The following FOXP1 variants were observed in gnomAD, a reference collection of about 807,000 sequenced individuals.
FOXP1 encodes forkhead box P1, also known as forkhead box protein P1.
FOXP1 carries 15 observed loss-of-function variants against 98.2 expected under a neutral mutation model. That is an observed-to-expected ratio of 0.15 (90% confidence interval 0.10 to 0.24). The LOEUF is 0.24. Among genes scored for constraint, FOXP1 ranks in the 10% least tolerant of loss-of-function variants. The probability of loss-of-function intolerance (pLI) is 1.00; values close to 1 mark genes in which losing one functional copy is unlikely to be tolerated. For missense variants in FOXP1, 633 were observed against 848.5 expected (o/e 0.75, Z 3.15); for synonymous variants, 371 against 314.5 (o/e 1.18, Z -1.90).
At chr3:71,475,676 C>A (rs1029322855) in intron 3 of FOXP1, among the ~76,000 whole-genome samples, 4 of 151,982 alleles carry the variant, frequency 2.6e-5, no homozygotes, top group Admixed American at 1.3e-4. Context: ...AACTCCATCT[C>A]TACTAATAAT....
chr3:71,164,208 A>AT (rs1027556504), intron 6 of FOXP1, among the ~76,000 whole-genome samples: 20 of 150,830 alleles, frequency 1.3e-4, no homozygotes, highest in Middle Eastern at 3.4e-3. Context: ...TTTATTTTTT[A>AT]TTTTTTTTTG....
intron 12 of FOXP1, among the ~76,000 whole-genome samples, chr3:71,012,311 A>C (rs1255909985): frequency 6.6e-6 from 1 of 152,206 alleles, no homozygotes; most frequent in African/African-American, 2.4e-5. Flanking sequence ...TCATTATATA[A>C]ATATGATTAG....
chr3:71,551,590 T>G (rs1024991454), intron 2 of FOXP1, among the ~76,000 whole-genome samples: 31 of 152,360 alleles, frequency 2.0e-4, no homozygotes, highest in African/African-American at 5.0e-4. Context: ...TACATAAACT[T>G]CTGGCATATG....
chr3:71,343,359 C>G (rs2077123762), intron 4 of FOXP1, among the ~76,000 whole-genome samples: 1 of 152,136 alleles, frequency 6.6e-6, no homozygotes, highest in African/African-American at 2.4e-5. Flanking sequence ...TCAAATGACT[C>G]AGGTGCTACT....
intron 2 of FOXP1, among the ~76,000 whole-genome samples, chr3:71,563,805 C>T (rs967986802): frequency 2.6e-5 from 4 of 152,196 alleles, no homozygotes; most frequent in African/African-American, 4.8e-5. Flanking sequence ...CTGTGCCACT[C>T]GACAAGTAAA....
intron 5 of FOXP1, among the ~76,000 whole-genome samples, chr3:71,210,387 TCAA>T (rs1189358106): frequency 1.3e-5 from 2 of 152,162 alleles, no homozygotes; most frequent in Non-Finnish European, 2.9e-5. Flanking sequence ...TTTCCCCAAA[TCAA>T]CATAGTCCCT....
At chr3:71,186,600 A>G (rs867693934) in intron 6 of FOXP1, among the ~76,000 whole-genome samples, 37 of 152,192 alleles carry the variant, frequency 2.4e-4, no homozygotes, top group African/African-American at 8.2e-4. Flanking sequence ...AGTCCCAGCT[A>G]CTTGGGAGGC....
Position 70,957,228 on chromosome 3 carries a change from C to A in FOXP1, c.*2019G>T, listed in dbSNP as rs1012540335. On this transcript the variant is annotated 3_prime_UTR_variant, in exon 21 of 21. Coordinates refer to ENST00000649528, the MANE Select transcript of FOXP1 (RefSeq NM_001349338.3). ...TGTGTCCTATTTTTATCTGCAGTAG[C>A]CCCATAAAATCTCTTTAAGAGAATG... is the stretch of plus-strand genomic sequence containing the variant. 1 of 224,688 alleles carries A rather than the reference C, an allele frequency of 4.5e-6. No homozygotes were observed. The highest frequency in any genetic ancestry group is 2.2e-5 in the African/African-American group (1 of 44,726). The allele number at this position is 224,688 out of a possible 1,614,324, so 13.9% of individuals were successfully genotyped here.
intron 2 of FOXP1, among the ~76,000 whole-genome samples, chr3:71,494,559 AG>A (rs1460058024): frequency 6.6e-6 from 1 of 152,220 alleles, no homozygotes; most frequent in African/African-American, 2.4e-5. Flanking sequence ...CTGGGTGCCC[AG>A]GAAAGGCTTC....
chr3:71,374,594 CA>C (rs5850009), intron 3 of FOXP1, among the ~76,000 whole-genome samples: 115 of 131,138 alleles, frequency 8.8e-4, no homozygotes, highest in African/African-American at 1.9e-3. Context: ...GACTCTGTCT[CA>C]AAAAAAAAAA....
intron 4 of FOXP1, among the ~76,000 whole-genome samples, chr3:71,327,435 T>G (rs2075759101): frequency 7.0e-6 from 1 of 142,580 alleles, no homozygotes; most frequent in Non-Finnish European, 1.5e-5. Flanking sequence ...TCACCCAGGC[T>G]GGAGTGCAGT....
At chr3:71,250,393 T>C (rs567612439) in intron 5 of FOXP1, among the ~76,000 whole-genome samples, 16 of 152,206 alleles carry the variant, frequency 1.1e-4, no homozygotes, top group Non-Finnish European at 2.2e-4. Flanking sequence ...ACTTGAAATA[T>C]GGCTAGTGTC....
At chr3:71,430,382 A>G (rs1028024461) in intron 3 of FOXP1, among the ~76,000 whole-genome samples, 2 of 152,188 alleles carry the variant, frequency 1.3e-5, no homozygotes, top group African/African-American at 4.8e-5. Context: ...AAGGTTATGA[A>G]ATTTTATAAC....
At chr3:71,071,113 C>A (rs1269364364) in intron 7 of FOXP1, among the ~76,000 whole-genome samples, 1 of 152,254 alleles carries the variant, frequency 6.6e-6, no homozygotes, top group Non-Finnish European at 1.5e-5. Flanking sequence ...ACACTCACAC[C>A]CTGTCTTTAA....
chr3:71,581,784 A>T lies in FOXP1; in HGVS notation c.-446-87T>A, dbSNP rs72628638. The T allele has an allele frequency of 5.4e-4, 530 of 985,782 alleles. 13 individuals are homozygous for T. In the East Asian group the frequency reaches 0.045, roughly 84 times the overall value. 61.1% of individuals were successfully genotyped at this position (985,782 alleles called of 1,614,324 possible). A position where few individuals can be genotyped will look rare whatever the true frequency, so the allele number is the denominator to read the frequency against. On this transcript the variant is annotated intron_variant, in intron 1 of 20. Transcript: ENST00000649528. ...ACTGAAGGGGACGGGACGGGTGAGT[A>T]GGCCGAGGGGCCAGGACAGAGAGGG... is the stretch of plus-strand genomic sequence containing the variant.
At chr3:70,973,835 G>GCCCCCCCCC (rs56950015) in intron 17 of FOXP1, among the ~76,000 whole-genome samples, 5 of 36,692 alleles carry the variant, frequency 1.4e-4, no homozygotes, top group Non-Finnish European at 2.8e-4. Flanking sequence ...TTTGCACACC[G>GCCCCCCCCC]CCCCCCCCCC....
intron 11 of FOXP1, among the ~76,000 whole-genome samples, chr3:71,020,105 T>C (rs181245807): frequency 1.3e-5 from 2 of 152,322 alleles, no homozygotes; most frequent in South Asian, 2.1e-4. Context: ...ATAGTATGCA[T>C]TTGAGAAAAG....
chr3:70,987,105 A>G (rs964341292), intron 14 of FOXP1, among the ~76,000 whole-genome samples: 1 of 152,276 alleles, frequency 6.6e-6, no homozygotes, highest in African/African-American at 2.4e-5. Context: ...AGTGACTCCA[A>G]GCAAAATCAA....
chr3:71,125,946 C>T lies in FOXP1; in HGVS notation c.181-13309G>A, dbSNP rs576903972. Among the ~76,000 whole-genome samples, 68 of 152,166 alleles carry T rather than the reference C, an allele frequency of 4.5e-4. 2 individuals are homozygous for T. In the South Asian group the frequency reaches 0.014, roughly 31 times the overall value. On this transcript the variant is annotated intron_variant, in intron 6 of 20. Coordinates refer to ENST00000649528, the MANE Select transcript of FOXP1 (RefSeq NM_001349338.3). ...CCTCTCTGTGTCTTAGTTTCTTCTT[C>T]AATAAGAATGGGAGGAACTGAAAGT... is the stretch of plus-strand genomic sequence containing the variant.
Sources: allele counts gnomAD v4.1 joint callset (sites outside exome capture counted in the v4.1 genomes callset), GRCh38; gene constraint gnomAD v4.1.1; transcripts MANE v1.5; gene names NCBI Gene and HGNC (gene_info 2026-07-23, HGNC 2026-07-21).